AGBL1: variants seen among roughly 807,000 people sequenced by gnomAD.
The protein encoded by AGBL1 is AGBL carboxypeptidase 1.
AGBL1 carries 130 observed loss-of-function variants against 118.9 expected under a neutral mutation model. The ratio of observed to expected loss-of-function variants is 1.09; its 90% CI spans 0.95 to 1.26. The LOEUF (loss-of-function observed/expected upper bound fraction) is 1.26. Among genes scored for constraint, AGBL1 ranks in the 50% most tolerant of loss-of-function variants. The probability of loss-of-function intolerance (pLI) is 0.00; values close to 1 mark genes in which losing one functional copy is unlikely to be tolerated. For missense variants in AGBL1, 1,584 were observed against 1,298.1 expected (o/e 1.22, Z -3.38); for synonymous variants, 555 against 478.9 (o/e 1.16, Z -2.08).
chr15:86,080,934 G>T (rs1346060083), intron 1 of AGBL1, among the ~76,000 whole-genome samples: 8 of 148,294 alleles, frequency 5.4e-5, no homozygotes, highest in East Asian at 2.0e-4. Context: ...TGGGCTTGTG[G>T]GGGCGGGGGG....
At chr15:86,346,259 G>A (rs1381709839) in intron 17 of AGBL1, among the ~76,000 whole-genome samples, 2 of 152,038 alleles carry the variant, frequency 1.3e-5, no homozygotes, top group Non-Finnish European at 2.9e-5. Context: ...GGGATTATAA[G>A]GCACGAGCCA....
intron 18 of AGBL1, among the ~76,000 whole-genome samples, chr15:86,411,164 C>A: frequency 6.6e-6 from 1 of 151,400 alleles, no homozygotes. Context: ...CCTTCAGAAG[C>A]CAGCCTATCA....
At chr15:86,381,118 C>T (rs981493952) in intron 17 of AGBL1, among the ~76,000 whole-genome samples, 3 of 152,186 alleles carry the variant, frequency 2.0e-5, no homozygotes, top group African/African-American at 7.2e-5. Context: ...AATCACAACC[C>T]ACATTAAATA....
At chr15:86,946,076 T>C (rs2141662459) in intron 23 of AGBL1, 1 of 152,242 alleles carries the variant, frequency 6.6e-6, no homozygotes, top group Admixed American at 6.5e-5. Context: ...TAAGGTGGGG[T>C]GAGAATTATA....
Position 86,554,398 on chromosome 15 carries a change from T to C in AGBL1, c.2855T>C (p.Phe952Ser). 1.3e-6 allele frequency: 2 copies of C among 1,587,770 alleles called. No individual in the cohort carries two copies. Among genetic ancestry groups the C allele is most frequent in the Non-Finnish European group, 1.7e-6 (2 of 1,166,982 alleles). The change falls in exon 21 of 23, where the codon TTC (phenylalanine) becomes TCC (serine). Residue 952 changes from phenylalanine (F) to serine (S), a missense_variant. Phe to Ser is a radical substitution (Grantham distance 155). Coordinates refer to ENST00000614907, the MANE Select transcript of AGBL1 (RefSeq NM_001386094.1). ...ATCCTTGATAAGCTAGCACCAGCAT[T>C]CACAATGAGCAGCTGCAGCTTTCTC... Reference protein sequence around the residue: ...PKILDKLAPAFTMSSCSFLVE... With the variant: ...PKILDKLAPASTMSSCSFLVE...
downstream of AGBL1, among the ~76,000 whole-genome samples, chr15:86,919,932 AGGAG>A (rs2141618127): frequency 6.6e-6 from 1 of 152,308 alleles, no homozygotes; most frequent in East Asian, 1.9e-4. Flanking sequence ...CATGGGCCTC[AGGAG>A]TAAAGGGCAG....
At chr15:86,929,427 C>T (rs1200387446) in intron 23 of AGBL1, among the ~76,000 whole-genome samples, 1 of 152,198 alleles carries the variant, frequency 6.6e-6, no homozygotes, top group Non-Finnish European at 1.5e-5. Flanking sequence ...GCCTCACAAT[C>T]CCAGCAACTG....
chr15:86,811,456 C>A (rs555422488), intron 22 of AGBL1, among the ~76,000 whole-genome samples: 1 of 152,258 alleles, frequency 6.6e-6, no homozygotes, highest in East Asian at 1.9e-4. Flanking sequence ...TTATAACTTG[C>A]TCTTTTAATT....
intron 18 of AGBL1, among the ~76,000 whole-genome samples, chr15:86,483,787 GC>G (rs1235841226): frequency 6.6e-6 from 1 of 152,098 alleles, no homozygotes; most frequent in Non-Finnish European, 1.5e-5. Flanking sequence ...CAAACATTTA[GC>G]TGTTAAAATA....
At chr15:86,755,161 A>G (rs2077917347) in intron 22 of AGBL1, among the ~76,000 whole-genome samples, 1 of 152,108 alleles carries the variant, frequency 6.6e-6, no homozygotes, top group South Asian at 2.1e-4. Context: ...GAAAAGACCA[A>G]AAGGAAAAAG....
intron 22 of AGBL1, among the ~76,000 whole-genome samples, chr15:86,787,444 A>G (rs1305091510): frequency 6.6e-6 from 1 of 151,984 alleles, no homozygotes; most frequent in Non-Finnish European, 1.5e-5. Flanking sequence ...CCCCTACCCT[A>G]GTAATTGCTG....
intron 17 of AGBL1, among the ~76,000 whole-genome samples, chr15:86,359,472 T>G (rs1908789): frequency 6.7e-6 from 1 of 150,190 alleles, no homozygotes; most frequent in East Asian, 1.9e-4. Flanking sequence ...AACCTAGAAG[T>G]GTAGTGCCTC....
At chr15:86,732,366 T>C (rs2077537413) in intron 22 of AGBL1, among the ~76,000 whole-genome samples, 1 of 152,208 alleles carries the variant, frequency 6.6e-6, no homozygotes, top group East Asian at 1.9e-4. Context: ...AATTGAAATT[T>C]CTTGTGATGT....
At chr15:86,197,185 C>A (rs954717983) in intron 5 of AGBL1, among the ~76,000 whole-genome samples, 4 of 152,056 alleles carry the variant, frequency 2.6e-5, no homozygotes, top group Non-Finnish European at 2.9e-5. Flanking sequence ...TGGGTGGAGG[C>A]TGGAGGAGTT....
intron 23 of AGBL1, among the ~76,000 whole-genome samples, chr15:86,954,043 C>G (rs186726363): frequency 1.5e-4 from 23 of 152,176 alleles, no homozygotes; most frequent in African/African-American, 5.3e-4. Context: ...AATGAGTTAC[C>G]ATCTCACACC....
intron 16 of AGBL1, among the ~76,000 whole-genome samples, chr15:86,281,178 T>A (rs2079346926): frequency 6.6e-6 from 1 of 152,040 alleles, no homozygotes; most frequent in African/African-American, 2.4e-5. Flanking sequence ...GAGCCCAGAG[T>A]TCGAGACCAG....
intron 22 of AGBL1, among the ~76,000 whole-genome samples, chr15:86,807,738 ATATATGAC>A: frequency 1.3e-5 from 2 of 152,258 alleles, no homozygotes; most frequent in South Asian, 4.1e-4. Context: ...CTCACTCTGA[ATATATGAC>A]TTGGCCTCTC....
At chr15:86,408,773 G>T (rs1430012457) in intron 18 of AGBL1, among the ~76,000 whole-genome samples, 1 of 152,158 alleles carries the variant, frequency 6.6e-6, no homozygotes, top group Non-Finnish European at 1.5e-5. Context: ...GGGCAAAAGG[G>T]TTTTTAATCT....
At chr15:87,002,553 A>G (rs1008130298) in intron 24 of AGBL1, among the ~76,000 whole-genome samples, 11 of 152,204 alleles carry the variant, frequency 7.2e-5, no homozygotes, top group South Asian at 6.2e-4. Context: ...CACTGAATCT[A>G]TAAATTACCT....
Sources: gnomAD v4.1 joint callset for allele counts (sites outside exome capture counted in the v4.1 genomes callset) on GRCh38, gnomAD v4.1.1 for gene constraint, MANE v1.5 for transcripts, NCBI Gene and HGNC (gene_info 2026-07-23, HGNC 2026-07-21) for gene names.